DNAJB6: variants seen among roughly 807,000 people sequenced by gnomAD.
DNAJB6 encodes the protein dnaJ homolog subfamily B member 6.
Under a neutral mutation model 42.7 loss-of-function variants are expected in DNAJB6, and 16 were observed. That is an observed-to-expected ratio of 0.37 (90% CI 0.25 to 0.57). The LOEUF (loss-of-function observed/expected upper bound fraction) is 0.57, where lower values mean the gene tolerates loss of function less well. Ranked by LOEUF, DNAJB6 falls within the 20% of genes least tolerant of loss-of-function variation. The pLI, the probability that DNAJB6 is intolerant of heterozygous loss-of-function variation, is 0.74. For synonymous variants in DNAJB6, 170 were observed against 163.5 expected (o/e 1.04, Z -0.30); for missense variants, 347 against 416.8 (o/e 0.83, Z 1.46).
chr7:157,409,283 C>T (rs1056825590), intron 8 of DNAJB6, among the ~76,000 whole-genome samples: 1 of 152,254 alleles, frequency 6.6e-6, no homozygotes, highest in South Asian at 2.1e-4. Flanking sequence ...CTGGAGTGGC[C>T]GGGATGGCCC....
intron 8 of DNAJB6, among the ~76,000 whole-genome samples, chr7:157,392,365 T>G (rs1455695167): frequency 2.0e-5 from 3 of 152,008 alleles, no homozygotes; most frequent in South Asian, 2.1e-4. Context: ...GTGGGTTTTT[T>G]TTTTTTTTTT....
intron 8 of DNAJB6, among the ~76,000 whole-genome samples, chr7:157,393,286 T>A (rs1163558626): frequency 1.3e-5 from 2 of 152,194 alleles, no homozygotes; most frequent in Admixed American, 1.3e-4. Context: ...CTATTCTGAT[T>A]TTAAAAAAGA....
At chr7:157,391,247 C>T (rs1371792482) in intron 8 of DNAJB6, among the ~76,000 whole-genome samples, 2 of 152,182 alleles carry the variant, frequency 1.3e-5, no homozygotes, top group South Asian at 2.1e-4. Context: ...GCGTGAGACA[C>T]GTTTCGTACA....
intron 7 of DNAJB6, 116 bp downstream of exon 7, chr7:157,385,124 C>A: frequency 9.1e-7 from 1 of 1,097,818 alleles, no homozygotes; most frequent in Non-Finnish European, 1.3e-6. Flanking sequence ...AAATCTGGCG[C>A]CATGAAAATC....
At chr7:157,340,918 C>T (rs576928627) in intron 1 of DNAJB6, among the ~76,000 whole-genome samples, 60 of 152,060 alleles carry the variant, frequency 3.9e-4, no homozygotes, top group African/African-American at 1.4e-3. Flanking sequence ...CCCCTGCCTC[C>T]GCCTCCCAAA....
At position 157,337,117 on chromosome 7, in the gene DNAJB6, G is replaced by C. The variant is rs978212531; in HGVS notation, c.-54G>C. On this transcript the variant is annotated 5_prime_UTR_variant, in exon 1 of 10. Coordinates refer to ENST00000262177, the MANE Select transcript of DNAJB6 (RefSeq NM_058246.4). ...CGGGCCGTCACCCTGCCTCCCCTGCGTCCCGCCACCGGCCGCTTCTGTCCT... is the reference window on the plus strand; with the variant it reads ...CGGGCCGTCACCCTGCCTCCCCTGCCTCCCGCCACCGGCCGCTTCTGTCCT... The C allele has an allele frequency of 1.3e-5, 2 of 152,516 alleles. No homozygotes were observed. Among genetic ancestry groups the C allele is most frequent in the African/African-American group, 4.8e-5 (2 of 41,460 alleles). The allele number at this position is 152,516 out of a possible 1,614,324, so 9.4% of individuals were successfully genotyped here.
chr7:157,371,076 C>T (rs185005652), intron 5 of DNAJB6, among the ~76,000 whole-genome samples: 3 of 152,254 alleles, frequency 2.0e-5, no homozygotes, highest in Non-Finnish European at 4.4e-5. Flanking sequence ...CTCATAAGGG[C>T]ACAAACCCTA....
intron 5 of DNAJB6, chr7:157,368,669 C>T (rs1423808309): frequency 6.5e-6 from 1 of 153,180 alleles, no homozygotes; most frequent in Non-Finnish European, 1.5e-5. Flanking sequence ...GTCTTCTCAA[C>T]CACTGGGACT....
intron 5 of DNAJB6, among the ~76,000 whole-genome samples, chr7:157,371,514 C>T (rs1800210206): frequency 6.6e-6 from 1 of 152,184 alleles, no homozygotes; most frequent in Admixed American, 6.5e-5. Context: ...GTGTGGAACC[C>T]GTCCTTTACA....
At chr7:157,393,310 A>AT (rs1469957098) in intron 8 of DNAJB6, among the ~76,000 whole-genome samples, 1 of 152,084 alleles carries the variant, frequency 6.6e-6, no homozygotes, top group Non-Finnish European at 1.5e-5. Flanking sequence ...GGAATATCAT[A>AT]TTTTTTACAA....
At chr7:157,358,715 C>A in intron 2 of DNAJB6, 78 bp downstream of exon 2, 1 of 1,197,720 alleles carries the variant, frequency 8.3e-7, no homozygotes, top group Non-Finnish European at 1.2e-6. Flanking sequence ...TCTTCTATTG[C>A]CTATGAAAAT....
chr7:157,385,077 C>A, intron 7 of DNAJB6, 69 bp downstream of exon 7: 1 of 1,517,146 alleles, frequency 6.6e-7, no homozygotes, highest in South Asian at 1.2e-5. Flanking sequence ...CCATGTTGCA[C>A]GTCTCCCAGA....
intron 8 of DNAJB6, among the ~76,000 whole-genome samples, chr7:157,403,069 CCCTACACGCAAGATGTA>C (rs943123224): frequency 7.2e-5 from 11 of 152,166 alleles, no homozygotes; most frequent in Non-Finnish European, 1.2e-4. Flanking sequence ...CATGAGGCGT[CCCTACACGCAAGATGTA>C]CGTTCCGGAA....
At chr7:157,390,872 C>T (rs555310240) in intron 8 of DNAJB6, among the ~76,000 whole-genome samples, 1 of 152,168 alleles carries the variant, frequency 6.6e-6, no homozygotes, top group Non-Finnish European at 1.5e-5. Context: ...TTCTCTCTCT[C>T]TAACCCAGGC....
At chr7:157,379,224 C>G (rs1355508240) in intron 5 of DNAJB6, 1 of 152,132 alleles carries the variant, frequency 6.6e-6, no homozygotes. Context: ...CAGTTAAAAT[C>G]ACTTGGTTAG....
chr7:157,362,574 A>G (rs944733883), intron 2 of DNAJB6, among the ~76,000 whole-genome samples: 5 of 151,962 alleles, frequency 3.3e-5, no homozygotes, highest in African/African-American at 7.3e-5. Context: ...GGGTTTCTCC[A>G]TGTTGGCCAG....
intron 2 of DNAJB6, among the ~76,000 whole-genome samples, chr7:157,361,278 C>A (rs1423468114): frequency 6.6e-6 from 1 of 151,892 alleles, no homozygotes; most frequent in Non-Finnish European, 1.5e-5. Flanking sequence ...CCTGCCTTAG[C>A]CTCCCGAGTA....
chr7:157,359,558 TCA>T, intron 2 of DNAJB6, among the ~76,000 whole-genome samples: 1 of 152,100 alleles, frequency 6.6e-6, no homozygotes, highest in East Asian at 1.9e-4. Context: ...GGCAAGTGGC[TCA>T]CACCTCTAAT....
intron 8 of DNAJB6, among the ~76,000 whole-genome samples, chr7:157,386,888 A>G (rs1235203628): frequency 2.6e-5 from 4 of 152,092 alleles, no homozygotes; most frequent in Non-Finnish European, 5.9e-5. Context: ...CATCTCAAAA[A>G]AAAAAAAAAA....
Sources: allele counts gnomAD v4.1 joint callset (sites outside exome capture counted in the v4.1 genomes callset), GRCh38; gene constraint gnomAD v4.1.1; transcripts MANE v1.5; gene names NCBI Gene and HGNC (gene_info 2026-07-23, HGNC 2026-07-21).